RUNDC3B: variants seen among roughly 807,000 people sequenced by gnomAD.
The protein encoded by RUNDC3B is RUN domain containing 3B.
A neutral mutation model predicts 58.4 loss-of-function variants in RUNDC3B; 33 were observed. The ratio of observed to expected loss-of-function variants is 0.56; its 90% CI spans 0.43 to 0.75. The LOEUF (loss-of-function observed/expected upper bound fraction) is 0.75. RUNDC3B is among the 30% of genes least tolerant of loss of function. The probability of loss-of-function intolerance (pLI) is 0.00; values close to 1 mark genes in which losing one functional copy is unlikely to be tolerated. For missense variants in RUNDC3B, 501 were observed against 535.7 expected, an observed-to-expected ratio of 0.94 and a Z score of 0.64; for synonymous variants, 193 against 195.2, an observed-to-expected ratio of 0.99 and a Z score of 0.10.
At chr7:87,699,485 C>T (rs1828817002) in intron 2 of RUNDC3B, among the ~76,000 whole-genome samples, 1 of 152,120 alleles carries the variant, frequency 6.6e-6, no homozygotes, top group Non-Finnish European at 1.5e-5. Context: ...CTCACTGCAA[C>T]CTTCACCTCT....
At position 87,792,208 on chromosome 7, in the gene RUNDC3B, T is replaced by G. The variant is rs1044739662; in HGVS notation, c.956+14253T>G. ...CAGCCAACACTGGAGCACTCAGATA[T>G]GTAAAGCAAATATTATTAGAGCTAA... On this transcript the variant is annotated intron_variant, in intron 8 of 10. Coordinates refer to ENST00000394654, the MANE Select transcript of RUNDC3B (RefSeq NM_001134405.2). Among the ~76,000 whole-genome samples the G allele has an allele frequency of 5.3e-5, 8 of 152,220 alleles. No homozygotes were observed. The Middle Eastern group carries it at 0.014, about 259-fold the overall frequency.
At chr7:87,723,808 A>G (rs1258648042) in intron 4 of RUNDC3B, among the ~76,000 whole-genome samples, 1 of 152,164 alleles carries the variant, frequency 6.6e-6, no homozygotes, top group African/African-American at 2.4e-5. Flanking sequence ...AGCTGAAAAT[A>G]TTTGACAAAA....
intron 6 of RUNDC3B, among the ~76,000 whole-genome samples, chr7:87,749,759 G>A (rs986620450): frequency 1.3e-4 from 20 of 151,728 alleles, no homozygotes; most frequent in Non-Finnish European, 2.2e-4. Context: ...AGTTTAAGTC[G>A]CTCCTTATCT....
intron 2 of RUNDC3B, among the ~76,000 whole-genome samples, chr7:87,686,552 C>A (rs1411282746): frequency 6.6e-6 from 1 of 152,046 alleles, no homozygotes; most frequent in Non-Finnish European, 1.5e-5. Flanking sequence ...GCAGTAAAGT[C>A]ATCAGAGACA....
At chr7:87,634,426 A>G (rs1821537051) in intron 1 of RUNDC3B, among the ~76,000 whole-genome samples, 1 of 142,218 alleles carries the variant, frequency 7.0e-6, no homozygotes, top group African/African-American at 2.6e-5. Context: ...GTTCGAGACC[A>G]GCCTGGCCAA....
intron 4 of RUNDC3B, among the ~76,000 whole-genome samples, chr7:87,734,738 A>G (rs73706910): frequency 0.011 from 1,744 of 152,214 alleles, 36 homozygotes; most frequent in African/African-American, 0.04. Context: ...AAGAATACCA[A>G]TAATCTACAA....
chr7:87,715,192 TATATATAATATTATAA>T (rs1188735425), intron 4 of RUNDC3B, among the ~76,000 whole-genome samples: 2 of 139,528 alleles, frequency 1.4e-5, no homozygotes, highest in African/African-American at 5.3e-5. Context: ...ATAAATATTA[TATATATAATATTATAA>T]ATATATAATA....
chr7:87,645,081 C>CTTTTTTT (rs551936794), intron 1 of RUNDC3B, among the ~76,000 whole-genome samples: 1 of 128,092 alleles, frequency 7.8e-6, no homozygotes, highest in Non-Finnish European at 1.7e-5. Flanking sequence ...TGCTTTCTTT[C>CTTTTTTT]TTTTTTTTTT....
intron 10 of RUNDC3B, among the ~76,000 whole-genome samples, chr7:87,817,199 T>C (rs1425000487): frequency 6.6e-6 from 1 of 152,194 alleles, no homozygotes; most frequent in Non-Finnish European, 1.5e-5. Flanking sequence ...TACAGTCAAT[T>C]TATAAACAAG....
chr7:87,710,448 TA>T, intron 3 of RUNDC3B, 121 bp from the exon 4 acceptor site: 1 of 619,460 alleles, frequency 1.6e-6, no homozygotes, highest in Non-Finnish European at 2.8e-6. Flanking sequence ...ACATTTTTCT[TA>T]GTCGTTATCA....
chr7:87,678,606 A>AT (rs1312049142), intron 2 of RUNDC3B, among the ~76,000 whole-genome samples: 4 of 152,326 alleles, frequency 2.6e-5, no homozygotes, highest in Non-Finnish European at 5.9e-5. Context: ...TTATTAATAG[A>AT]TATGTTAAAT....
chr7:87,796,971 A>G (rs1050662607), intron 8 of RUNDC3B, among the ~76,000 whole-genome samples: 5 of 152,220 alleles, frequency 3.3e-5, no homozygotes, highest in African/African-American at 9.6e-5. Context: ...AATGAAAACA[A>G]TTATTAGTCT....
chr7:87,747,298 G>T (rs928542414), intron 6 of RUNDC3B, among the ~76,000 whole-genome samples: 2 of 152,162 alleles, frequency 1.3e-5, no homozygotes, highest in Non-Finnish European at 2.9e-5. Context: ...TACTGGGGGG[G>T]TGTGTGCACA....
Position 87,656,682 on chromosome 7 carries a change from TA to T in RUNDC3B, c.238+5753del, listed in dbSNP as rs533094728. On this transcript the variant is annotated intron_variant, in intron 2 of 10. Coordinates refer to ENST00000394654, the MANE Select transcript of RUNDC3B (RefSeq NM_001134405.2). ...AAGTTGGTAGACTTAATTGATAGTT[TA>T]AAAAAAACCTAATTATTTAATTTCA... Among the ~76,000 whole-genome samples the T allele has an allele frequency of 3.9e-3, 595 of 152,040 alleles. 3 individuals carry two copies. Among genetic ancestry groups the T allele is most frequent in the African/African-American group, 0.014 (569 of 41,470 alleles).
chr7:87,648,926 A>G (rs906199478), intron 1 of RUNDC3B, among the ~76,000 whole-genome samples: 20 of 152,108 alleles, frequency 1.3e-4, no homozygotes, highest in East Asian at 3.8e-4. Flanking sequence ...TATAACCTAT[A>G]TAAACAAATC....
At position 87,717,432 on chromosome 7, in the gene RUNDC3B, AT is replaced by A. The variant is rs542848370; in HGVS notation, c.458+6783del. Among the ~76,000 whole-genome samples, 566 of 152,188 alleles carry A rather than the reference AT, an allele frequency of 3.7e-3. 4 individuals are homozygous for A. Among genetic ancestry groups the A allele is most frequent in the Non-Finnish European group, 6.3e-3 (428 of 67,988 alleles). The stretch of plus-strand genomic sequence containing the variant: ...CACATAATTACTAAATAAAAATAAT[AT>A]TTTTTGGTAAAAAATTTTCAAGAGA... On this transcript the variant is annotated intron_variant, in intron 4 of 10. Transcript: ENST00000394654.
At chr7:87,660,527 G>A (rs778445431) in intron 2 of RUNDC3B, among the ~76,000 whole-genome samples, 6 of 151,844 alleles carry the variant, frequency 4.0e-5, no homozygotes, top group African/African-American at 9.7e-5. Flanking sequence ...TTTTATGATC[G>A]TTAGTTCCTT....
intron 4 of RUNDC3B, among the ~76,000 whole-genome samples, chr7:87,724,136 T>C (rs1026158313): frequency 2.6e-5 from 4 of 152,106 alleles, no homozygotes; most frequent in African/African-American, 9.7e-5. Flanking sequence ...AGTGGGAGGA[T>C]TGCTTGAGAT....
chr7:87,717,058 A>C (rs1461421915), intron 4 of RUNDC3B, among the ~76,000 whole-genome samples: 5 of 152,102 alleles, frequency 3.3e-5, no homozygotes, highest in Non-Finnish European at 5.9e-5. Context: ...TCAGCTTCCA[A>C]AGTGCTGGAA....
Sources: gnomAD v4.1 joint callset for allele counts (sites outside exome capture counted in the v4.1 genomes callset) on GRCh38, gnomAD v4.1.1 for gene constraint, MANE v1.5 for transcripts, NCBI Gene and HGNC (gene_info 2026-07-23, HGNC 2026-07-21) for gene names.